The following GPR149 variants were observed in gnomAD, a reference collection of about 807,000 sequenced individuals.
GPR149 encodes the protein probable G protein-coupled receptor 149.
Under a neutral mutation model 50.2 loss-of-function variants are expected in GPR149, and 50 were observed. The ratio of observed to expected loss-of-function variants is 1.00; its 90% CI spans 0.79 to 1.26. GPR149 has a LOEUF of 1.26. Among genes scored for constraint, GPR149 ranks in the 50% most tolerant of loss-of-function variants. The probability of loss-of-function intolerance (pLI) is 0.00; values close to 1 mark genes in which losing one functional copy is unlikely to be tolerated. For missense variants in GPR149, 983 were observed against 895.4 expected (o/e 1.10, Z -1.25); for synonymous variants, 405 against 358.2 (o/e 1.13, Z -1.48).
At chr3:154,344,246 A>G (rs894678580) in intron 3 of GPR149, among the ~76,000 whole-genome samples, 5 of 152,194 alleles carry the variant, frequency 3.3e-5, no homozygotes, top group Non-Finnish European at 5.9e-5. Flanking sequence ...CATCTCAGGA[A>G]ACAATAACAA....
chr3:154,352,931 A>G (rs1714118384), intron 3 of GPR149: 2 of 896,948 alleles, frequency 2.2e-6, no homozygotes, highest in Non-Finnish European at 1.9e-6. Flanking sequence ...GGGCCTCAAC[A>G]TCCTGAGGAG....
At chr3:154,379,711 T>C (rs1400300010) in intron 3 of GPR149, among the ~76,000 whole-genome samples, 1 of 152,196 alleles carries the variant, frequency 6.6e-6, no homozygotes, top group Non-Finnish European at 1.5e-5. Flanking sequence ...AAACTTTGCC[T>C]ATTCAATTGT....
At chr3:154,350,752 C>G (rs2108388780) in intron 3 of GPR149, among the ~76,000 whole-genome samples, 1 of 152,222 alleles carries the variant, frequency 6.6e-6, no homozygotes, top group East Asian at 1.9e-4. Flanking sequence ...AAAATAAATA[C>G]AGTTGATCTT....
chr3:154,403,559 T>C (rs1347491125), intron 3 of GPR149, among the ~76,000 whole-genome samples: 1 of 152,198 alleles, frequency 6.6e-6, no homozygotes, highest in Admixed American at 6.5e-5. Flanking sequence ...TAAAAAAGTA[T>C]AGAAATCTTC....
intron 3 of GPR149, among the ~76,000 whole-genome samples, chr3:154,385,706 T>TTC (rs1482662156): frequency 4.4e-4 from 2 of 4,580 alleles, no homozygotes; most frequent in Non-Finnish European, 6.9e-4. Context: ...CTTTCTTTCT[T>TTC]TTTTTTTTTT....
At chr3:154,350,242 A>G (rs1461416014) in intron 3 of GPR149, among the ~76,000 whole-genome samples, 1 of 152,096 alleles carries the variant, frequency 6.6e-6, no homozygotes, top group Admixed American at 6.6e-5. Context: ...TACAGACCAG[A>G]AAGGAAGAAA....
At chr3:154,374,687 G>A (rs1413755733) in intron 3 of GPR149, among the ~76,000 whole-genome samples, 2 of 151,964 alleles carry the variant, frequency 1.3e-5, no homozygotes, top group African/African-American at 4.8e-5. Flanking sequence ...GGTCCAAAGG[G>A]CATATATATA....
chr3:154,405,315 G>A (rs1457828837), intron 3 of GPR149, among the ~76,000 whole-genome samples: 1 of 152,100 alleles, frequency 6.6e-6, no homozygotes, highest in Non-Finnish European at 1.5e-5. Flanking sequence ...ATGGCCAGGT[G>A]TGGTGGCTCA....
intron 3 of GPR149, among the ~76,000 whole-genome samples, chr3:154,388,979 G>A (rs943424411): frequency 6.6e-6 from 1 of 151,976 alleles, no homozygotes; most frequent in Admixed American, 6.6e-5. Flanking sequence ...AGGAGGAAGA[G>A]CAAATGGATT....
At position 154,383,308 on chromosome 3, in the gene GPR149, G is replaced by A. The variant is rs554406850; in HGVS notation, c.1623+37731C>T. On this transcript the variant is annotated intron_variant, in intron 3 of 3. Transcript: ENST00000389740. ...AGCAGGCCAAATTTATGCCATCTCA[G>A]ACTTAACATATCATCTCTGCTTCTT... Among the ~76,000 whole-genome samples, 4 of 152,292 alleles carry A rather than the reference G, an allele frequency of 2.6e-5. No individual in the cohort carries two copies. In the East Asian group the frequency reaches 7.7e-4, roughly 29 times the overall value.
chr3:154,366,639 T>C (rs1265988847), intron 3 of GPR149, among the ~76,000 whole-genome samples: 1 of 152,234 alleles, frequency 6.6e-6, no homozygotes, highest in African/African-American at 2.4e-5. Flanking sequence ...AGACTTTAAG[T>C]CTTTAGGTAA....
At chr3:154,338,906 A>G (rs1239360981) in intron 3 of GPR149, among the ~76,000 whole-genome samples, 10 of 152,230 alleles carry the variant, frequency 6.6e-5, no homozygotes, top group African/African-American at 2.4e-4. Context: ...ACCTCTTTCA[A>G]AAACTTGCCT....
At chr3:154,356,300 C>A (rs1483629101) in intron 3 of GPR149, among the ~76,000 whole-genome samples, 1 of 151,984 alleles carries the variant, frequency 6.6e-6, no homozygotes, top group Non-Finnish European at 1.5e-5. Flanking sequence ...AACTGTGAGT[C>A]ACTGAATTTG....
At chr3:154,385,704 C>CTTTTTTTT (rs5853692) in intron 3 of GPR149, among the ~76,000 whole-genome samples, 2 of 136,156 alleles carry the variant, frequency 1.5e-5, no homozygotes, top group Admixed American at 7.3e-5. Flanking sequence ...TTCTTTCTTT[C>CTTTTTTTT]TTTTTTTTTT....
chr3:154,371,142 G>T (rs886092250), intron 3 of GPR149, among the ~76,000 whole-genome samples: 1 of 152,102 alleles, frequency 6.6e-6, no homozygotes, highest in African/African-American at 2.4e-5. Flanking sequence ...ACAGGATATT[G>T]TTAGACATTT....
rs769783905 is a variant in GPR149, at chr3:154,429,249, C to A, written c.367G>T (p.Ala123Ser). The change falls in exon 1 of 4, where the codon GCG becomes TCG. Residue 123 changes from alanine (A) to serine (S), a missense_variant. Coordinates refer to ENST00000389740, the MANE Select transcript of GPR149 (RefSeq NM_001038705.3). The stretch of plus-strand genomic sequence containing the variant: ...AAGTTGTAAGAGACTAGGAGAGTCG[C>A]CTTCAAGTTGCTAGAGAGGCCCTGG... ...LCQGLSSNLK[A>S]TLLVSYNFYT... is the part of the protein sequence containing the mutation. 1.2e-6 allele frequency: 2 copies of A among 1,614,172 alleles called. No homozygotes were observed. Among genetic ancestry groups the A allele is most frequent in the Non-Finnish European group, 1.7e-6 (2 of 1,180,036 alleles).
chr3:154,411,908 A>C (rs777142801), intron 3 of GPR149, among the ~76,000 whole-genome samples: 1 of 152,034 alleles, frequency 6.6e-6, no homozygotes, highest in Admixed American at 6.6e-5. Context: ...AAAGAAAACT[A>C]TGGACTAGTA....
Position 154,337,641 on chromosome 3 carries a change from G to A in GPR149, c.*58C>T. 1.6e-6 allele frequency: 2 copies of A among 1,240,130 alleles called. No individual in the cohort carries two copies. The highest frequency in any genetic ancestry group is 2.3e-5 in the East Asian group (1 of 42,808). The allele number at this position is 1,240,130 out of a possible 1,614,324, so 76.8% of individuals were successfully genotyped here. On this transcript the variant is annotated 3_prime_UTR_variant, in exon 4 of 4. Transcript: ENST00000389740. ...AGGAAATCAGTCTCATAACAAAGGT[G>A]TTAGTTTCACAGTTGACGTTGCAGA...
rs115533316 is a variant in GPR149 at position 154,358,431 on chromosome 3, C to T, written c.1624-20160G>A. Among the ~76,000 whole-genome samples, 1,106 of 152,102 alleles carry T rather than the reference C, an allele frequency of 7.3e-3. 12 individuals are homozygous for T. Among genetic ancestry groups the T allele is most frequent in the African/African-American group, 0.026 (1,068 of 41,472 alleles). ...ATCACTTTTTTTCCTTGAAAAATAT[C>T]TAAGTATAAAAGCTCTTCTAAAAAA... On this transcript the variant is annotated intron_variant, in intron 3 of 3. Transcript: ENST00000389740.
Sources: allele counts gnomAD v4.1 joint callset (sites outside exome capture counted in the v4.1 genomes callset), GRCh38; gene constraint gnomAD v4.1.1; transcripts MANE v1.5; gene names NCBI Gene and HGNC (gene_info 2026-07-23, HGNC 2026-07-21).